BACH2: variants seen among roughly 807,000 people sequenced by gnomAD.
BACH2 encodes the protein BACH transcriptional regulator 2, also known as transcription regulator protein BACH2.
In BACH2, 5 loss-of-function variants were observed where a neutral mutation model predicts 61.8. That is an observed-to-expected ratio of 0.08 (90% CI 0.04 to 0.17). The LOEUF (loss-of-function observed/expected upper bound fraction) is 0.17, where lower values mean the gene tolerates loss of function less well. Ranked by LOEUF, BACH2 falls within the 10% of genes least tolerant of loss-of-function variation. The probability of loss-of-function intolerance (pLI) is 1.00; values close to 1 mark genes in which losing one functional copy is unlikely to be tolerated. For synonymous variants in BACH2, 446 were observed against 440.1 expected (o/e 1.01, Z -0.17); for missense variants, 824 against 1,091.1 (o/e 0.76, Z 3.45).
intron 8 of BACH2, among the ~76,000 whole-genome samples, chr6:89,936,057 A>C (rs559966148): frequency 2.0e-4 from 30 of 152,364 alleles, no homozygotes; most frequent in African/African-American, 6.5e-4. Flanking sequence ...ATGTCCAGCG[A>C]ATTTTAGGGC....
intron 4 of BACH2, among the ~76,000 whole-genome samples, chr6:90,199,637 T>A (rs1768888804): frequency 1.3e-5 from 2 of 152,166 alleles, no homozygotes; most frequent in Non-Finnish European, 2.9e-5. Flanking sequence ...ACAAGGCAGG[T>A]GGAGACAGAG....
rs1179566553 is a variant in BACH2, at chr6:90,056,141, T to C, written c.-13+32820A>G. Among the ~76,000 whole-genome samples, 3 of 152,284 alleles carry C rather than the reference T, an allele frequency of 2.0e-5. No homozygotes were observed. In the East Asian group the frequency reaches 5.8e-4, roughly 29 times the overall value. On this transcript the variant is annotated intron_variant, in intron 5 of 8. Coordinates refer to ENST00000257749, the MANE Select transcript of BACH2 (RefSeq NM_021813.4). ...TAACAATATTAACTTTAAATGTAAA[T>C]GGGCTAAATGCTCCAATTAAAAGAC...
intron 4 of BACH2, among the ~76,000 whole-genome samples, chr6:90,099,621 A>G (rs1267190133): frequency 1.3e-5 from 2 of 152,194 alleles, no homozygotes; most frequent in Admixed American, 6.5e-5. Flanking sequence ...GAAGGTATCT[A>G]GTAAATGGTG....
intron 8 of BACH2, among the ~76,000 whole-genome samples, chr6:89,935,506 A>C (rs1772968116): frequency 6.6e-6 from 1 of 152,340 alleles, no homozygotes; most frequent in East Asian, 1.9e-4. Context: ...CAGCAGGGGA[A>C]GGCATTGCAA....
intron 4 of BACH2, among the ~76,000 whole-genome samples, chr6:90,180,251 AAATT>A (rs1443578691): frequency 1.3e-5 from 2 of 152,182 alleles, no homozygotes; most frequent in Non-Finnish European, 2.9e-5. Context: ...ACTAAGAGTA[AAATT>A]TATTATTCAA....
chr6:90,252,963 G>A (rs1360087622), intron 2 of BACH2, among the ~76,000 whole-genome samples: 5 of 152,198 alleles, frequency 3.3e-5, no homozygotes, highest in Admixed American at 3.3e-4. Context: ...GTAGCTTTAG[G>A]GCCAGGTGCA....
rs12663922 is a variant in BACH2 at position 90,016,911 on chromosome 6, T to C, written c.-12-8055A>G. Reference sequence around the variant, plus strand: ...TGTCATCCTCATCTTTGTTCCTCTGTATGTAATGTCTTTTCTTCTCCTCTG... The same window carrying C: ...TGTCATCCTCATCTTTGTTCCTCTGCATGTAATGTCTTTTCTTCTCCTCTG... On this transcript the variant is annotated intron_variant, in intron 5 of 8. Transcript: ENST00000257749. Among the ~76,000 whole-genome samples the C allele has an allele frequency of 3.0e-3, 462 of 152,232 alleles. 13 individuals are homozygous for C. In the East Asian group the frequency reaches 0.077, roughly 26 times the overall value.
chr6:90,040,897 T>C (rs1394804983), intron 5 of BACH2, among the ~76,000 whole-genome samples: 1 of 152,250 alleles, frequency 6.6e-6, no homozygotes, highest in Non-Finnish European at 1.5e-5. Flanking sequence ...ATATGAAGAA[T>C]GTTTAGTTTT....
At chr6:90,088,296 G>A (rs1465892272) in intron 5 of BACH2, among the ~76,000 whole-genome samples, 1 of 152,168 alleles carries the variant, frequency 6.6e-6, no homozygotes, top group Non-Finnish European at 1.5e-5. Context: ...AAAGCATGAT[G>A]AGCACACCTG....
chr6:90,006,040 T>C (rs1443244368), intron 6 of BACH2, among the ~76,000 whole-genome samples: 1 of 152,322 alleles, frequency 6.6e-6, no homozygotes, highest in East Asian at 1.9e-4. Flanking sequence ...TCCAATGCCA[T>C]GGAAATAAGC....
At chr6:90,231,922 G>A (rs550460220) in intron 3 of BACH2, among the ~76,000 whole-genome samples, 1 of 152,210 alleles carries the variant, frequency 6.6e-6, no homozygotes, top group African/African-American at 2.4e-5. Flanking sequence ...TTCCAAACAG[G>A]AGGAAATGTA....
At chr6:90,084,708 C>G (rs1279365263) in intron 5 of BACH2, among the ~76,000 whole-genome samples, 1 of 152,024 alleles carries the variant, frequency 6.6e-6, no homozygotes, top group Non-Finnish European at 1.5e-5. Flanking sequence ...ATATATTGTA[C>G]TTTAACAAAT....
At chr6:90,167,657 C>T (rs1271568362) in intron 4 of BACH2, among the ~76,000 whole-genome samples, 1 of 152,230 alleles carries the variant, frequency 6.6e-6, no homozygotes, top group African/African-American at 2.4e-5. Context: ...CTGCGCCTGG[C>T]CTGCTATCAG....
chr6:90,124,185 A>T (rs545418157), intron 4 of BACH2, among the ~76,000 whole-genome samples: 4 of 152,344 alleles, frequency 2.6e-5, no homozygotes, highest in Non-Finnish European at 5.9e-5. Context: ...GTGTTTGAGA[A>T]GCAGATCTGC....
intron 4 of BACH2, among the ~76,000 whole-genome samples, chr6:90,166,666 C>G (rs949447108): frequency 9.2e-5 from 14 of 152,132 alleles, no homozygotes; most frequent in Admixed American, 6.5e-4. Flanking sequence ...AAATGTCCAA[C>G]AACGATAGAC....
intron 1 of BACH2, among the ~76,000 whole-genome samples, chr6:90,277,254 TAATA>T (rs1316340140): frequency 1.3e-5 from 2 of 152,148 alleles, no homozygotes; most frequent in African/African-American, 4.8e-5. Context: ...CTATACAAAT[TAATA>T]AATAGTGGTA....
At chr6:90,111,281 CA>C (rs142581858) in intron 4 of BACH2, among the ~76,000 whole-genome samples, 1 of 152,074 alleles carries the variant, frequency 6.6e-6, no homozygotes, top group African/African-American at 2.4e-5. Flanking sequence ...CCCGGGCTTG[CA>C]AAAAAGCCTC....
chr6:90,257,009 G>T (rs1342564451), intron 2 of BACH2, among the ~76,000 whole-genome samples: 1 of 152,086 alleles, frequency 6.6e-6, no homozygotes, highest in African/African-American at 2.4e-5. Context: ...TAGCACAATG[G>T]GCTTTCCCAT....
At chr6:90,180,971 C>A (rs1435700942) in intron 4 of BACH2, among the ~76,000 whole-genome samples, 1 of 152,064 alleles carries the variant, frequency 6.6e-6, no homozygotes, top group Non-Finnish European at 1.5e-5. Context: ...AATTGTGCTG[C>A]AATAAACATA....
Sources: gnomAD v4.1 joint callset for allele counts (sites outside exome capture counted in the v4.1 genomes callset) on GRCh38, gnomAD v4.1.1 for gene constraint, MANE v1.5 for transcripts, NCBI Gene and HGNC (gene_info 2026-07-23, HGNC 2026-07-21) for gene names.